GRIN2B: variants seen among roughly 807,000 people sequenced by gnomAD.
GRIN2B encodes the protein glutamate receptor ionotropic, NMDA 2B.
Under a neutral mutation model 114.5 loss-of-function variants are expected in GRIN2B, and 5 were observed. The observed-to-expected ratio is 0.04, with a 90% CI of 0.02 to 0.09. The LOEUF (loss-of-function observed/expected upper bound fraction) is 0.09. GRIN2B is among the 10% of genes least tolerant of loss of function. The probability of loss-of-function intolerance (pLI) is 1.00; values close to 1 mark genes in which losing one functional copy is unlikely to be tolerated. For missense variants in GRIN2B, 1,108 were observed against 1,943.5 expected (o/e 0.57, Z 8.08); for synonymous variants, 787 against 745.1 (o/e 1.06, Z -0.92).
At chr12:13,605,642 C>T (rs547238753) in intron 10 of GRIN2B, among the ~76,000 whole-genome samples, 2 of 150,474 alleles carry the variant, frequency 1.3e-5, no homozygotes, top group South Asian at 2.1e-4. Flanking sequence ...ATAATGAACA[C>T]GGTATGGAGG....
intron 3 of GRIN2B, among the ~76,000 whole-genome samples, chr12:13,759,121 C>G (rs560479195): frequency 6.9e-4 from 103 of 149,592 alleles, no homozygotes; most frequent in African/African-American, 2.6e-3. Context: ...AATTCTCATG[C>G]CTCAGCCTCC....
intron 2 of GRIN2B, among the ~76,000 whole-genome samples, chr12:13,946,303 A>T (rs1490802444): frequency 6.6e-6 from 1 of 152,022 alleles, no homozygotes; most frequent in Non-Finnish European, 1.5e-5. Context: ...TTACTTCACC[A>T]CTCTTCCAAA....
At chr12:13,745,771 A>G (rs969626515) in intron 4 of GRIN2B, among the ~76,000 whole-genome samples, 1 of 152,194 alleles carries the variant, frequency 6.6e-6, no homozygotes, top group Non-Finnish European at 1.5e-5. Flanking sequence ...CTGCACAGTG[A>G]GGGGCTGAAA....
chr12:13,637,622 C>T (rs528590269), intron 5 of GRIN2B, among the ~76,000 whole-genome samples: 26 of 152,188 alleles, frequency 1.7e-4, no homozygotes, highest in East Asian at 3.9e-4. Flanking sequence ...AAAATGATAA[C>T]GATAATCACG....
intron 3 of GRIN2B, among the ~76,000 whole-genome samples, chr12:13,820,044 C>A (rs1477654582): frequency 6.6e-6 from 1 of 152,150 alleles, no homozygotes; most frequent in African/African-American, 2.4e-5. Context: ...TAGACAAAAC[C>A]TCTCCCTTAG....
intron 3 of GRIN2B, among the ~76,000 whole-genome samples, chr12:13,784,849 C>A (rs1336299747): frequency 1.3e-5 from 2 of 152,228 alleles, no homozygotes; most frequent in Non-Finnish European, 2.9e-5. Flanking sequence ...AGCAAAGAAG[C>A]CTACCAACCA....
At chr12:13,816,447 G>T (rs1466635309) in intron 3 of GRIN2B, among the ~76,000 whole-genome samples, 1 of 152,088 alleles carries the variant, frequency 6.6e-6, no homozygotes, top group Non-Finnish European at 1.5e-5. Flanking sequence ...CTTAAAAGAG[G>T]CCAGAATAAT....
At chr12:13,663,591 T>C (rs749777249) in intron 5 of GRIN2B, among the ~76,000 whole-genome samples, 15 of 152,212 alleles carry the variant, frequency 9.9e-5, no homozygotes, top group Non-Finnish European at 1.9e-4. Flanking sequence ...GCTGTAGACT[T>C]TGTCAGTATT....
intron 3 of GRIN2B, among the ~76,000 whole-genome samples, chr12:13,856,383 T>C (rs1448627121): frequency 1.3e-5 from 2 of 152,058 alleles, no homozygotes; most frequent in African/African-American, 2.4e-5. Context: ...AAAGTAATAA[T>C]AGATCTGAGT....
At chr12:13,700,749 T>C (rs2136568252) in intron 4 of GRIN2B, among the ~76,000 whole-genome samples, 1 of 152,326 alleles carries the variant, frequency 6.6e-6, no homozygotes, top group East Asian at 1.9e-4. Context: ...TGTTGGGTCC[T>C]TCCTAAACTG....
In GRIN2B at chr12:13,571,505, C is replaced by T. The variant is rs184317959; in HGVS notation, c.2171+299G>A. 3.9e-5 allele frequency among the ~76,000 whole-genome samples: 6 copies of T among 152,268 alleles called. No individual in the cohort carries two copies. In the East Asian group the frequency reaches 9.7e-4, roughly 25 times the overall value. ...GTCTTTACATACACGGCACAAATAC[C>T]TTATCCTTCACTCTGCCCTCCTACT... is the stretch of plus-strand genomic sequence containing the variant. On this transcript the variant is annotated intron_variant, in intron 11 of 13. Transcript: ENST00000609686.
chr12:13,823,718 C>G (rs756478321), intron 3 of GRIN2B, among the ~76,000 whole-genome samples: 1 of 152,108 alleles, frequency 6.6e-6, no homozygotes, highest in Non-Finnish European at 1.5e-5. Context: ...AGGCAAACAT[C>G]CTTGCCTTTT....
chr12:13,713,164 G>T (rs1345084980), intron 4 of GRIN2B, among the ~76,000 whole-genome samples: 1 of 151,826 alleles, frequency 6.6e-6, no homozygotes, highest in East Asian at 1.9e-4. Flanking sequence ...GAAACGTTAG[G>T]TATTTCTTTT....
At chr12:13,767,785 C>T (rs545717027) in intron 3 of GRIN2B, among the ~76,000 whole-genome samples, 1 of 152,230 alleles carries the variant, frequency 6.6e-6, no homozygotes, top group African/African-American at 2.4e-5. Context: ...TTTTGAGTTC[C>T]ATGAAGGTGC....
In GRIN2B at chr12:13,873,145, C is replaced by G. The variant is rs975747779; in HGVS notation, c.-18-6919G>C. On this transcript the variant is annotated intron_variant, in intron 2 of 13. Coordinates refer to ENST00000609686, the MANE Select transcript of GRIN2B (RefSeq NM_000834.5). ...GATCCAAAATAATTTTTAATTAATA[C>G]ATTTTTAAGAATTGTAAGTTCCAAG... 5.3e-5 allele frequency among the ~76,000 whole-genome samples: 8 copies of G among 152,274 alleles called. 1 individual carries two copies. The highest frequency in any genetic ancestry group is 6.8e-3 in the Middle Eastern group (2 of 292).
chr12:13,612,384 A>G (rs1391411800), intron 8 of GRIN2B, among the ~76,000 whole-genome samples: 1 of 152,174 alleles, frequency 6.6e-6, no homozygotes, highest in East Asian at 1.9e-4. Flanking sequence ...ATTTCTCTTA[A>G]ACTTCCTAGC....
chr12:13,750,056 T>C (rs1863455102), intron 4 of GRIN2B, among the ~76,000 whole-genome samples: 1 of 152,110 alleles, frequency 6.6e-6, no homozygotes, highest in South Asian at 2.1e-4. Context: ...GCAGAGGAAA[T>C]GCTTTAGTGG....
At chr12:13,590,695 GC>G (rs1292069228) in intron 10 of GRIN2B, among the ~76,000 whole-genome samples, 1 of 152,112 alleles carries the variant, frequency 6.6e-6, no homozygotes, top group Non-Finnish European at 1.5e-5. Flanking sequence ...TGTAAATAGT[GC>G]TGCAATAAAC....
rs142030589 is a variant in GRIN2B, at chr12:13,914,836, C to A, written c.-18-48610G>T. ...GCCAGGCACAGAAAGACAAATATTG[C>A]ATGTTCTCACTCTCATATATGAGAG... On this transcript the variant is annotated intron_variant, in intron 2 of 13. Transcript: ENST00000609686. 7.1e-3 allele frequency among the ~76,000 whole-genome samples: 1,086 copies of A among 152,222 alleles called. 3 individuals are homozygous for A. Among genetic ancestry groups the A allele is most frequent in the Middle Eastern group, 0.017 (5 of 294 alleles).
Sources: gnomAD v4.1 joint callset for allele counts (sites outside exome capture counted in the v4.1 genomes callset) on GRCh38, gnomAD v4.1.1 for gene constraint, MANE v1.5 for transcripts, NCBI Gene and HGNC (gene_info 2026-07-23, HGNC 2026-07-21) for gene names.